Variants in GFRAL observed in about 807,000 individuals in gnomAD.
GFRAL encodes GDNF family receptor alpha-like.
In GFRAL, 36 loss-of-function variants were observed where a neutral mutation model predicts 45.4. The ratio of observed to expected loss-of-function variants is 0.79; its 90% CI spans 0.61 to 1.05. The LOEUF is 1.05. Among genes scored for constraint, GFRAL ranks in the 50% least tolerant of loss-of-function variants. The pLI is 0.00. For missense variants in GFRAL, 507 were observed against 467.5 expected (o/e 1.08, Z -0.78); for synonymous variants, 166 against 154.1 (o/e 1.08, Z -0.57).
intron 1 of GFRAL, among the ~76,000 whole-genome samples, chr6:55,328,295 T>C (rs1296222398): frequency 3.3e-5 from 5 of 151,962 alleles, no homozygotes; most frequent in Non-Finnish European, 7.4e-5. Flanking sequence ...GTAGAATCTA[T>C]AAACTGAATT....
At chr6:55,366,530 G>A (rs1176903495) in intron 6 of GFRAL, among the ~76,000 whole-genome samples, 4 of 144,154 alleles carry the variant, frequency 2.8e-5, no homozygotes, top group African/African-American at 1.1e-4. Context: ...TAATTGCGAT[G>A]TTAGGGTGTC....
rs1581895290 is a variant in GFRAL, at chr6:55,327,502, A to G, written c.-53A>G. The G allele has an allele frequency of 1.2e-6, 2 of 1,605,292 alleles. No homozygotes were observed. The highest frequency in any genetic ancestry group is 2.7e-5 in the African/African-American group (2 of 74,680). On this transcript the variant is annotated 5_prime_UTR_variant, in exon 1 of 9. Coordinates refer to ENST00000340465, the MANE Select transcript of GFRAL (RefSeq NM_207410.2). ...GACAGTTACTCTTAAGAAAGTTGTC[A>G]GAAGAAACGCATCTGCCTTTTTTTC...
At chr6:55,371,842 G>GA (rs775054236) in intron 6 of GFRAL, among the ~76,000 whole-genome samples, 44 of 151,602 alleles carry the variant, frequency 2.9e-4, no homozygotes, top group Admixed American at 1.5e-3. Flanking sequence ...GTACAAAAAG[G>GA]AAAAAAAACA....
At chr6:55,356,225 C>T (rs1562054536) in intron 5 of GFRAL, among the ~76,000 whole-genome samples, 1 of 151,894 alleles carries the variant, frequency 6.6e-6, no homozygotes, top group African/African-American at 2.4e-5. Flanking sequence ...TAGGGTGATA[C>T]TGGCCTCAAA....
Position 55,401,850 on chromosome 6 carries a change from C to T in GFRAL, c.1182C>T (p.Leu394=). 1 of 1,496,774 alleles carries T rather than the reference C, an allele frequency of 6.7e-7. No individual in the cohort carries two copies. 92.7% of individuals were successfully genotyped at this position (1,496,774 alleles called of 1,614,324 possible). A position where few individuals can be genotyped will look rare whatever the true frequency, so the allele number is the denominator to read the frequency against. Residue 394 remains leucine, a synonymous_variant, in exon 9 of 9, where the codon CTC becomes CTT. Coordinates refer to ENST00000340465, the MANE Select transcript of GFRAL (RefSeq NM_207410.2). ...DPSSIQIPGE[L] Reference sequence around the variant, plus strand: ...CATCGATCCAAATACCTGGAGAACTCTGATTCATTAGGAGTCATGGACCTA... The same window carrying T: ...CATCGATCCAAATACCTGGAGAACTTTGATTCATTAGGAGTCATGGACCTA...
At chr6:55,331,915 A>AT in intron 2 of GFRAL, 66 bp downstream of exon 2, 1 of 1,445,354 alleles carries the variant, frequency 6.9e-7, no homozygotes, top group Non-Finnish European at 9.5e-7. Flanking sequence ...AGGATTTGAT[A>AT]TTTTGTCATT....
intron 6 of GFRAL, among the ~76,000 whole-genome samples, chr6:55,370,644 A>G (rs1237536438): frequency 6.6e-6 from 1 of 152,226 alleles, no homozygotes; most frequent in Non-Finnish European, 1.5e-5. Context: ...CGTGAGAATC[A>G]TTGAGAGATT....
At chr6:55,371,733 T>C (rs1768453049) in intron 6 of GFRAL, among the ~76,000 whole-genome samples, 1 of 152,248 alleles carries the variant, frequency 6.6e-6, no homozygotes, top group South Asian at 2.1e-4. Flanking sequence ...TTTTTAGTCA[T>C]TGTCTTGTGG....
chr6:55,394,816 A>C (rs1047513397), intron 6 of GFRAL, among the ~76,000 whole-genome samples: 2 of 152,108 alleles, frequency 1.3e-5, no homozygotes, highest in African/African-American at 4.8e-5. Flanking sequence ...CTGAAAAATT[A>C]CACGTGGATC....
intron 6 of GFRAL, among the ~76,000 whole-genome samples, chr6:55,395,092 C>T (rs771005197): frequency 3.4e-4 from 51 of 150,556 alleles, no homozygotes; most frequent in Non-Finnish European, 6.2e-4. Flanking sequence ...ACTGTGAACA[C>T]TCTCCAAAAG....
Position 55,350,091 on chromosome 6 carries a change from G to A in GFRAL, c.317-1G>A, listed in dbSNP as rs1408935893. On this transcript the variant is annotated splice_acceptor_variant, in intron 3 of 8. Transcript: ENST00000340465. LOFTEE classifies it high-confidence loss of function. ...AAATAATTTCTTTGTTTTCCTTCTA[G>A]ATAACGTGAAAGAGGATAAATTCAA... 8.0e-6 allele frequency: 12 copies of A among 1,505,204 alleles called. No homozygotes were observed. 93.2% of individuals were successfully genotyped at this position (1,505,204 alleles called of 1,614,324 possible). A position where few individuals can be genotyped will look rare whatever the true frequency, so the allele number is the denominator to read the frequency against.
At position 55,365,348 on chromosome 6, in the gene GFRAL, A is replaced by G. The variant is rs1430124121; in HGVS notation, c.952+6210A>G. ...CTTAAGAAGATTTTGGGCTGAGACA[A>G]TGGGGTTTTCTAGATATACAATCAT... is the stretch of plus-strand genomic sequence containing the variant. On this transcript the variant is annotated intron_variant, in intron 6 of 8. Coordinates refer to ENST00000340465, the MANE Select transcript of GFRAL (RefSeq NM_207410.2). Among the ~76,000 whole-genome samples, 676 of 139,206 alleles carry G rather than the reference A, an allele frequency of 4.9e-3. 21 individuals are homozygous for G. Among genetic ancestry groups the G allele is most frequent in the African/African-American group, 0.018 (643 of 35,024 alleles). 91.3% of individuals were successfully genotyped at this position (139,206 alleles called of 152,430 possible). A position where few individuals can be genotyped will look rare whatever the true frequency, so the allele number is the denominator to read the frequency against.
chr6:55,363,470 G>T (rs1768306298), intron 6 of GFRAL, among the ~76,000 whole-genome samples: 1 of 148,970 alleles, frequency 6.7e-6, no homozygotes, highest in Non-Finnish European at 1.5e-5. Context: ...AAGTTTTAGG[G>T]TACATGTGCA....
At chr6:55,328,180 A>G (rs1036629962) in intron 1 of GFRAL, among the ~76,000 whole-genome samples, 3 of 151,982 alleles carry the variant, frequency 2.0e-5, no homozygotes, top group African/African-American at 4.8e-5. Context: ...TGAATGTATT[A>G]TAAGATGTTG....
At position 55,374,738 on chromosome 6, in the gene GFRAL, C is replaced by T. The variant is rs369680577; in HGVS notation, c.952+15600C>T. 2.4e-3 allele frequency among the ~76,000 whole-genome samples: 361 copies of T among 152,120 alleles called. 4 individuals are homozygous for T. Among genetic ancestry groups the T allele is most frequent in the South Asian group, 0.011 (52 of 4,828 alleles). ...TGAATGGTATTGCCTAGATTTTCTT[C>T]TAGGATTTTCATAGTTTTGGGTTTT... is the stretch of plus-strand genomic sequence containing the variant. On this transcript the variant is annotated intron_variant, in intron 6 of 8. Transcript: ENST00000340465.
Position 55,379,318 on chromosome 6 carries a change from C to T in GFRAL, c.953-19862C>T, listed in dbSNP as rs567510934. 3.9e-5 allele frequency among the ~76,000 whole-genome samples: 6 copies of T among 151,936 alleles called. No individual in the cohort carries two copies. In the South Asian group the frequency reaches 1.2e-3, roughly 32 times the overall value. ...TTTCTGCTCCTCTCCCTCCTCCTCC[C>T]TCCCCCATCAGGGAGACCCCAGTGT... On this transcript the variant is annotated intron_variant, in intron 6 of 8. Transcript: ENST00000340465.
At chr6:55,361,011 T>C (rs1405279939) in intron 6 of GFRAL, among the ~76,000 whole-genome samples, 4 of 152,036 alleles carry the variant, frequency 2.6e-5, no homozygotes, top group Non-Finnish European at 5.9e-5. Flanking sequence ...TCAATTTTCA[T>C]AGTGTTTGCT....
intron 3 of GFRAL, among the ~76,000 whole-genome samples, chr6:55,336,022 G>C (rs1767886822): frequency 6.6e-6 from 1 of 152,040 alleles, no homozygotes; most frequent in Admixed American, 6.6e-5. Context: ...TTCACTCAGT[G>C]CAGCCTCTAC....
chr6:55,335,019 A>G (rs756239194), intron 3 of GFRAL, among the ~76,000 whole-genome samples: 2 of 152,198 alleles, frequency 1.3e-5, no homozygotes, highest in Non-Finnish European at 2.9e-5. Context: ...GACAAACATA[A>G]GCTTTACTTC....
Sources: allele counts gnomAD v4.1 joint callset (sites outside exome capture counted in the v4.1 genomes callset), GRCh38; gene constraint gnomAD v4.1.1; transcripts MANE v1.5; gene names NCBI Gene and HGNC (gene_info 2026-07-23, HGNC 2026-07-21).